The following SIDT2 variants were observed in gnomAD, a reference collection of about 807,000 sequenced individuals.
The protein encoded by SIDT2 is SID1 transmembrane family member 2.
A neutral mutation model predicts 114.4 loss-of-function variants in SIDT2; 68 were observed. The observed-to-expected ratio is 0.59, with a 90% confidence interval of 0.49 to 0.73. SIDT2 has a LOEUF of 0.73. SIDT2 is among the 30% of genes least tolerant of loss of function. The pLI, the probability that SIDT2 is intolerant of heterozygous loss-of-function variation, is 0.00. For missense variants in SIDT2, 918 were observed against 1,097.1 expected (o/e 0.84, Z 2.31); for synonymous variants, 470 against 438.4 (o/e 1.07, Z -0.90).
In SIDT2 at chr11:117,190,428, T is replaced by C. The variant is rs1470010059; in HGVS notation, c.1617+139T>C. ...CCCCAGTTCTGTCTGGCCCACCCTA[T>C]CCAGCCCAGCCTGCCCCACCCTGCC... On this transcript the variant is annotated intron_variant, in intron 17 of 25. Coordinates refer to ENST00000324225, the MANE Select transcript of SIDT2 (RefSeq NM_001040455.2). The surrounding 1 kb of genome is among the most constrained non-coding windows in gnomAD (Gnocchi z 4.1). The C allele has an allele frequency of 1.4e-6, 2 of 1,395,982 alleles. No homozygotes were observed. Among genetic ancestry groups the C allele is most frequent in the South Asian group, 1.4e-5 (1 of 69,366 alleles). The allele number at this position is 1,395,982 out of a possible 1,614,324, so 86.5% of individuals were successfully genotyped here. A position where few individuals can be genotyped will look rare whatever the true frequency, so the allele number is the denominator to read the frequency against.
rs1312821087 is a variant in SIDT2, at chr11:117,188,338, A to G, written c.1160-370A>G. 9.1e-6 allele frequency: 3 copies of G among 329,712 alleles called. No individual in the cohort carries two copies. The highest frequency in any genetic ancestry group is 3.2e-5 in the South Asian group (1 of 31,718). 20.4% of individuals were successfully genotyped at this position (329,712 alleles called of 1,614,324 possible). The stretch of plus-strand genomic sequence containing the variant: ...CCAAGGCAGTGTCTTCTCAGAACCC[A>G]CAGGGCTGGGCACCCTTGAATCAGC... On this transcript the variant is annotated intron_variant, in intron 12 of 25. Transcript: ENST00000324225. The surrounding 1 kb of genome is among the most constrained non-coding windows in gnomAD (Gnocchi z 4.0).
chr11:117,182,454 C>T (rs1343487116), intron 4 of SIDT2, 65 bp from the exon 5 acceptor site: 8 of 1,454,628 alleles, frequency 5.5e-6, no homozygotes, highest in Non-Finnish European at 7.7e-6. Context: ...GGACTATTCC[C>T]TTCTAGAGGG....
intron 1 of SIDT2, among the ~76,000 whole-genome samples, chr11:117,181,105 T>C (rs2030267302): frequency 6.6e-6 from 1 of 152,084 alleles, no homozygotes; most frequent in Non-Finnish European, 1.5e-5. Context: ...CCTGTGCACA[T>C]GGATAGGAAT....
intron 8 of SIDT2, among the ~76,000 whole-genome samples, chr11:117,185,413 G>A (rs935891330): frequency 1.4e-4 from 21 of 152,176 alleles, no homozygotes; most frequent in Non-Finnish European, 2.4e-4. Flanking sequence ...TATATGCCAG[G>A]TGGTATGCTA....
chr11:117,187,317 C>A, intron 10 of SIDT2, 61 bp from the exon 11 acceptor site: 1 of 1,500,206 alleles, frequency 6.7e-7, no homozygotes, highest in Non-Finnish European at 9.3e-7. Flanking sequence ...CTTTGTTCTT[C>A]TCCCTGGCTC....
At chr11:117,185,064 T>C (rs1419007565) in intron 8 of SIDT2, among the ~76,000 whole-genome samples, 8 of 147,712 alleles carry the variant, frequency 5.4e-5, no homozygotes, top group Non-Finnish European at 1.1e-4. Context: ...TTTTTTTTTT[T>C]TCCGAGATGG....
rs765944497 is a variant in SIDT2, at chr11:117,186,188, G to C, written c.927G>C (p.Leu309=). The change falls in exon 9 of 26, where the codon CTG becomes CTC. Residue 309 remains leucine (L), a synonymous_variant. Coordinates refer to ENST00000324225, the MANE Select transcript of SIDT2 (RefSeq NM_001040455.2). ...TGGGTATATTTCTCTCCTTTTACCT[G>C]CTGACCGTCCTCCTGGCCTGCTGGG... The part of the protein sequence containing the change: ...FCLGIFLSFY[L]LTVLLACWEN... 1.9e-6 allele frequency: 3 copies of C among 1,614,116 alleles called. No individual in the cohort carries two copies. Among genetic ancestry groups the C allele is most frequent in the Non-Finnish European group, 2.5e-6 (3 of 1,180,026 alleles).
intron 13 of SIDT2, 123 bp from the exon 14 acceptor site, chr11:117,189,046 C>A: frequency 8.9e-7 from 1 of 1,120,918 alleles, no homozygotes; most frequent in Non-Finnish European, 1.3e-6. Context: ...GTGGGATGTC[C>A]TTGAACCCTG....
Position 117,190,218 on chromosome 11 carries a change from T to G in SIDT2, c.1546T>G (p.Phe516Val). Residue 516 changes from phenylalanine to valine, a missense_variant, in exon 17 of 26, where the codon TTC becomes GTC. By Grantham distance (50) the Phe-to-Val change is conservative. Coordinates refer to ENST00000324225, the MANE Select transcript of SIDT2 (RefSeq NM_001040455.2). The surrounding 1 kb of genome is among the most constrained non-coding windows in gnomAD (Gnocchi z 4.1). ...GGGGTACATCCTGCTGGGGCTGCTT[T>G]TCCTGCTCATCATCCTGCAACGGGA... The part of the protein sequence containing the change: ...NLGYILLGLL[F>V]LLIILQREIN... 6.3e-7 allele frequency: 1 copy of G among 1,581,164 alleles called. No individual in the cohort carries two copies. Among genetic ancestry groups the G allele is most frequent in the Non-Finnish European group, 8.6e-7 (1 of 1,163,862 alleles).
Position 117,190,146 on chromosome 11 carries a change from C to T in SIDT2, c.1494-20C>T, listed in dbSNP as rs2030646388. 6.3e-7 allele frequency: 1 copy of T among 1,597,364 alleles called. No individual in the cohort carries two copies. Among genetic ancestry groups the T allele is most frequent in the Non-Finnish European group, 8.5e-7 (1 of 1,170,652 alleles). ...CTGGGTGTGAGTCCCAAGCAGTCTGCCTTGTGTTGCCCCTTCTAGCGCCTT... is the reference window on the plus strand; with the variant it reads ...CTGGGTGTGAGTCCCAAGCAGTCTGTCTTGTGTTGCCCCTTCTAGCGCCTT... On this transcript the variant is annotated intron_variant, in intron 16 of 25. Coordinates refer to ENST00000324225, the MANE Select transcript of SIDT2 (RefSeq NM_001040455.2). This position sits in a 1 kb window ranked among gnomAD's most constrained non-coding sequence, Gnocchi z 4.1.
At position 117,195,905 on chromosome 11, in the gene SIDT2, G is replaced by A. The variant is rs1376352561; in HGVS notation, c.2426G>A (p.Gly809Glu). Residue 809 changes from glycine (G) to glutamate (E), a missense_variant, in exon 25 of 26, where the codon GGG becomes GAG. This residue lies in a region of SIDT2 where 275 missense variants were observed against 397.6 expected (regional missense o/e 0.69). Transcript: ENST00000324225. ...TTCCTCTCCTCCATCGCCATGTTCG[G>A]GTCCTTCCTGGTAAGCGGGCCTCCC... ...WHFLSSIAMF[G>E]SFLVLLTLDD... 2 of 1,614,206 alleles carry A rather than the reference G, an allele frequency of 1.2e-6. No homozygotes were observed. Among genetic ancestry groups the A allele is most frequent in the Admixed American group, 1.7e-5 (1 of 60,026 alleles).
rs1269836162 is a variant in SIDT2, at chr11:117,192,629, G to T, written c.2037G>T (p.Gln679His). Residue 679 changes from glutamine to histidine, a missense_variant, in exon 21 of 26, where the codon CAG (glutamine) becomes CAT (histidine). Gln to His is a conservative substitution (Grantham distance 24). Coordinates refer to ENST00000324225, the MANE Select transcript of SIDT2 (RefSeq NM_001040455.2). This position sits in a 1 kb window ranked among gnomAD's most constrained non-coding sequence, Gnocchi z 5.9. ...LHVLYTDCIRQCSGPLYVDRM... is the reference protein window; with the variant it reads ...LHVLYTDCIRHCSGPLYVDRM... ...TGCTCTACACAGACTGCATCCGGCA[G>T]TGCAGCGGGCCGCTCTACGTGGTAC... 2.5e-6 allele frequency: 4 copies of T among 1,612,206 alleles called. No individual in the cohort carries two copies. The East Asian group carries it at 8.9e-5, about 36-fold the overall frequency.
Position 117,188,605 on chromosome 11 carries a change from T to TCTTCCCTAC in SIDT2, c.1160-102_1160-94dup. On this transcript the variant is annotated intron_variant, in intron 12 of 25. Coordinates refer to ENST00000324225, the MANE Select transcript of SIDT2 (RefSeq NM_001040455.2). The surrounding 1 kb of genome is among the most constrained non-coding windows in gnomAD (Gnocchi z 4.0). ...TCTGAGGCCCAGCCCACAATTTGCC[T>TCTTCCCTAC]CTTCCCTACTGCCTAATAATTGTTA... is the stretch of plus-strand genomic sequence containing the variant. 1 of 885,556 alleles carries TCTTCCCTAC rather than the reference T, an allele frequency of 1.1e-6. No individual in the cohort carries two copies. The highest frequency in any genetic ancestry group is 1.9e-6 in the Non-Finnish European group (1 of 539,686). The allele number at this position is 885,556 out of a possible 1,614,324, so 54.9% of individuals were successfully genotyped here.
intron 1 of SIDT2, chr11:117,179,675 C>CCGAGA: frequency 1.9e-6 from 1 of 525,758 alleles, no homozygotes; most frequent in South Asian, 2.6e-5. Context: ...TTCCCATCTT[C>CCGAGA]TCTTCCGCCC....
At chr11:117,189,147 G>A (rs780511342) in intron 13 of SIDT2, 22 bp from the exon 14 acceptor site, 1 of 1,613,154 alleles carries the variant, frequency 6.2e-7, no homozygotes, top group Non-Finnish European at 8.5e-7. Flanking sequence ...AGTAAGTGGG[G>A]CTGATTCCAG....
rs2030612468 is a variant in SIDT2, at chr11:117,189,248, T to C, written c.1352+6T>C. ...AAGTACCAGATCTACTTCTGGTGAGTGGGCTGAGTGTCTGGGGCTCTGCTG... is the reference window on the plus strand; with the variant it reads ...AAGTACCAGATCTACTTCTGGTGAGCGGGCTGAGTGTCTGGGGCTCTGCTG... On this transcript the variant is annotated splice_donor_region_variant and intron_variant, in intron 14 of 25. Coordinates refer to ENST00000324225, the MANE Select transcript of SIDT2 (RefSeq NM_001040455.2). 2.5e-6 allele frequency: 4 copies of C among 1,614,068 alleles called. No individual in the cohort carries two copies. Among genetic ancestry groups the C allele is most frequent in the African/African-American group, 1.3e-5 (1 of 74,922 alleles).
Position 117,181,614 on chromosome 11 carries a change from C to G in SIDT2, c.305+77C>G, listed in dbSNP as rs1462662252. 3.7e-6 allele frequency: 6 copies of G among 1,602,356 alleles called. No homozygotes were observed. In the Admixed American group the frequency reaches 8.4e-5, roughly 22 times the overall value. ...GCTGGAGCCTCAACCAGGAGCCCCC[C>G]CATTTCTCCTCCCCTTTCCCTGGGC... On this transcript the variant is annotated intron_variant, in intron 2 of 25. Coordinates refer to ENST00000324225, the MANE Select transcript of SIDT2 (RefSeq NM_001040455.2).
At chr11:117,184,197 G>T in intron 8 of SIDT2, 58 bp downstream of exon 8, 1 of 1,550,830 alleles carries the variant, frequency 6.4e-7, no homozygotes, top group South Asian at 1.1e-5. Flanking sequence ...CCTGCTTTCA[G>T]ACCTGGGATA....
At chr11:117,185,933 C>A in intron 8 of SIDT2, 197 bp from the exon 9 acceptor site, 7 of 453,230 alleles carry the variant, frequency 1.5e-5, no homozygotes, top group South Asian at 6.8e-5. Flanking sequence ...GCAACATGAG[C>A]AAAAATAGGA....
Sources: allele counts gnomAD v4.1 joint callset (sites outside exome capture counted in the v4.1 genomes callset), GRCh38; gene constraint gnomAD v4.1.1; regional missense constraint gnomAD v4.1.1; non-coding constraint Gnocchi (gnomAD v3.1); transcripts MANE v1.5; gene names NCBI Gene and HGNC (gene_info 2026-07-23, HGNC 2026-07-21).